Variants in DZIP1L observed in about 807,000 individuals in gnomAD.
DZIP1L encodes cilium assembly protein DZIP1L.
A neutral mutation model predicts 88.7 loss-of-function variants in DZIP1L; 90 were observed. The observed-to-expected ratio is 1.02, with a 90% CI of 0.86 to 1.21. The LOEUF is 1.21. DZIP1L is among the 50% of genes most tolerant of loss of function. DZIP1L has a pLI of 0.00. For synonymous variants in DZIP1L, 363 were observed against 372.1 expected (o/e 0.98, Z 0.28); for missense variants, 932 against 955.8 (o/e 0.98, Z 0.33).
In DZIP1L at chr3:138,068,158, C is replaced by T. The variant is rs532478266; in HGVS notation, c.1825G>A (p.Gly609Arg). Residue 609 changes from glycine to arginine, a missense_variant, in exon 13 of 16, where the codon GGG becomes AGG. Physicochemically the swap from Gly to Arg is moderately radical, Grantham distance 125. Transcript: ENST00000327532. ...PSSTPPSSGPGMSTPPFSSEE... is the reference protein window; with the variant it reads ...PSSTPPSSGPRMSTPPFSSEE... Reference sequence around the variant, plus strand: ...GCAGAGTCTGGGGCTCACCTCATCCCGGGCCCCGAGGAAGGAGGGGTGCTG... The same window carrying T: ...GCAGAGTCTGGGGCTCACCTCATCCTGGGCCCCGAGGAAGGAGGGGTGCTG... The T allele has an allele frequency of 8.0e-5, 120 of 1,504,022 alleles. No individual in the cohort carries two copies. In the South Asian group the frequency reaches 1.0e-3, roughly 13 times the overall value. 93.2% of individuals were successfully genotyped at this position (1,504,022 alleles called of 1,614,324 possible).
intron 12 of DZIP1L, chr3:138,069,099 T>C: frequency 1.1e-6 from 1 of 908,702 alleles, no homozygotes; most frequent in Non-Finnish European, 1.7e-6. Context: ...ATACGTGGAT[T>C]TTCTTCCGAC....
chr3:138,081,807 C>G (rs775732234), intron 8 of DZIP1L, 43 bp from the exon 9 acceptor site: 143 of 1,606,506 alleles, frequency 8.9e-5, no homozygotes, highest in Non-Finnish European at 1.2e-4. Flanking sequence ...CAGCAGAGAA[C>G]ATTGTGAGAA....
At position 138,074,822 on chromosome 3, in the gene DZIP1L, G is replaced by A. The variant is rs563577300; in HGVS notation, c.1422+2677C>T. 5.3e-5 allele frequency among the ~76,000 whole-genome samples: 8 copies of A among 151,008 alleles called. No homozygotes were observed. The South Asian group carries it at 1.7e-3, about 32-fold the overall frequency. On this transcript the variant is annotated intron_variant, in intron 11 of 15. Coordinates refer to ENST00000327532, the MANE Select transcript of DZIP1L (RefSeq NM_173543.3). ...CTCAATACTAACATTGAATGTAAAT[G>A]GCCTAAATATTCCACTTAAAAGATA... is the stretch of plus-strand genomic sequence containing the variant.
intron 5 of DZIP1L, among the ~76,000 whole-genome samples, chr3:138,091,461 T>C (rs1012964164): frequency 6.7e-6 from 1 of 148,922 alleles, no homozygotes; most frequent in Non-Finnish European, 1.5e-5. Context: ...CTATGAAAAA[T>C]ACAAAAATTA....
chr3:138,083,665 C>T lies in DZIP1L; in HGVS notation c.1203+448G>A, dbSNP rs368169386. ...TACTGTGTAAAAAACACACGCTTTG[C>T]GTTCTTCCTGCCTGGCCAGAGTTGA... On this transcript the variant is annotated intron_variant, in intron 8 of 15. Transcript: ENST00000327532. Among the ~76,000 whole-genome samples the T allele has an allele frequency of 1.7e-4, 26 of 152,356 alleles. No homozygotes were observed. In the East Asian group the frequency reaches 4.8e-3, roughly 28 times the overall value.
chr3:138,080,753 G>C, intron 9 of DZIP1L, 133 bp from the exon 10 acceptor site: 1 of 804,088 alleles, frequency 1.2e-6, no homozygotes, highest in Admixed American at 2.5e-5. Context: ...TGACTGGAGA[G>C]AGGCAGGACA....
intron 1 of DZIP1L, among the ~76,000 whole-genome samples, chr3:138,106,458 G>A (rs980239983): frequency 6.6e-6 from 1 of 151,684 alleles, no homozygotes; most frequent in African/African-American, 2.4e-5. Flanking sequence ...ACTTTAAAAA[G>A]TGCAATAGAA....
At chr3:138,111,927 G>A (rs1344357492) in intron 1 of DZIP1L, among the ~76,000 whole-genome samples, 1 of 151,938 alleles carries the variant, frequency 6.6e-6, no homozygotes, top group Non-Finnish European at 1.5e-5. Context: ...CCCAGGAGGT[G>A]GAAGTTGCAG....
intron 14 of DZIP1L, among the ~76,000 whole-genome samples, chr3:138,066,964 T>C (rs1002885491): frequency 6.6e-6 from 1 of 152,166 alleles, no homozygotes; most frequent in Non-Finnish European, 1.5e-5. Context: ...GGAGCCTGGC[T>C]GGAGTGTACC....
In DZIP1L at chr3:138,103,615, C is replaced by A. The variant is rs749581205; in HGVS notation, c.357G>T (p.Leu119=). Residue 119 remains leucine, a synonymous_variant, in exon 2 of 16, where the codon CTG becomes CTT. Transcript: ENST00000327532. ...CCTGCTGACCACGCTGCTGCTGGCCCAGGCTGGTCTGCAGCCGTGCCTCCA... is the reference window on the plus strand; with the variant it reads ...CCTGCTGACCACGCTGCTGCTGGCCAAGGCTGGTCTGCAGCCGTGCCTCCA... The part of the protein sequence containing the change: ...AQLEARLQTS[L]GQQQRGQQEL... 1 of 1,606,698 alleles carries A rather than the reference C, an allele frequency of 6.2e-7. No individual in the cohort carries two copies. The highest frequency in any genetic ancestry group is 1.1e-5 in the South Asian group (1 of 90,772).
chr3:138,064,758 A>G lies in DZIP1L; in HGVS notation c.2012T>C (p.Val671Ala). The G allele has an allele frequency of 1.3e-6, 2 of 1,579,120 alleles. No homozygotes were observed. The highest frequency in any genetic ancestry group is 1.2e-5 in the South Asian group (1 of 84,732). Residue 671 changes from valine to alanine, a missense_variant, in exon 15 of 16, where the codon GTG becomes GCG. Coordinates refer to ENST00000327532, the MANE Select transcript of DZIP1L (RefSeq NM_173543.3). ...QPPGQGSGTLVQSMVKNLEKQ... is the reference protein window; with the variant it reads ...QPPGQGSGTLAQSMVKNLEKQ... ...CTCCAGGTTTTTGACCATCGACTGC[A>G]CCAGTGTTCCTGGAAGGTGAAAAAG...
rs775616926 is a variant in DZIP1L, at chr3:138,067,701, C to T, written c.1833-1G>A. 1.9e-6 allele frequency: 3 copies of T among 1,546,498 alleles called. No homozygotes were observed. Among genetic ancestry groups the T allele is most frequent in the South Asian group, 2.4e-5 (2 of 81,702 alleles). On this transcript the variant is annotated splice_acceptor_variant, in intron 13 of 15. Coordinates refer to ENST00000327532, the MANE Select transcript of DZIP1L (RefSeq NM_173543.3). LOFTEE classifies it high-confidence loss of function. Reference sequence around the variant, plus strand: ...CTCTTCAGAACTGAACGGGGGCGTGCTGCCACGAGGAGGAGAAGAAATGAG... The same window carrying T: ...CTCTTCAGAACTGAACGGGGGCGTGTTGCCACGAGGAGGAGAAGAAATGAG...
intron 8 of DZIP1L, among the ~76,000 whole-genome samples, chr3:138,082,230 C>T (rs577502392): frequency 1.3e-5 from 2 of 152,256 alleles, no homozygotes; most frequent in South Asian, 4.2e-4. Flanking sequence ...GTCTGCTCAA[C>T]CCCCCTGCTC....
At chr3:138,098,627 C>T (rs922775764) in intron 2 of DZIP1L, among the ~76,000 whole-genome samples, 6 of 152,288 alleles carry the variant, frequency 3.9e-5, no homozygotes, top group Non-Finnish European at 7.4e-5. Context: ...CAGTTGTCCC[C>T]CAATACCCAT....
At chr3:138,071,919 G>T in intron 11 of DZIP1L, 84 bp from the exon 12 acceptor site, 2 of 1,350,438 alleles carry the variant, frequency 1.5e-6, no homozygotes, top group Non-Finnish European at 2.0e-6. Flanking sequence ...GCTGCTGCTG[G>T]CCTGGGAGTC....
intron 11 of DZIP1L, among the ~76,000 whole-genome samples, chr3:138,072,081 A>G (rs1943207615): frequency 6.6e-6 from 1 of 152,200 alleles, no homozygotes; most frequent in Non-Finnish European, 1.5e-5. Context: ...AATGCAAAGG[A>G]CTGCGTCACA....
At chr3:138,097,660 CTGAGA>C (rs1944542215) in intron 3 of DZIP1L, 98 bp downstream of exon 3, 2 of 1,057,272 alleles carry the variant, frequency 1.9e-6, no homozygotes, top group South Asian at 1.5e-5. Flanking sequence ...CAGTGAGGTT[CTGAGA>C]GCAGTTTTGG....
chr3:138,102,562 A>T, intron 2 of DZIP1L: 1 of 1,422,496 alleles, frequency 7.0e-7, no homozygotes, highest in South Asian at 1.1e-5. Context: ...GTTGGTCTCC[A>T]GCATCTTGTT....
chr3:138,084,997 G>A (rs1004196229), intron 7 of DZIP1L, among the ~76,000 whole-genome samples: 3 of 152,014 alleles, frequency 2.0e-5, no homozygotes, highest in African/African-American at 7.3e-5. Context: ...TCTCTGTTTT[G>A]GTACCAGTAC....
Sources: gnomAD v4.1 joint callset for allele counts (sites outside exome capture counted in the v4.1 genomes callset) on GRCh38, gnomAD v4.1.1 for gene constraint, MANE v1.5 for transcripts, NCBI Gene and HGNC (gene_info 2026-07-23, HGNC 2026-07-21) for gene names.